PTPRM: variants seen among roughly 807,000 people sequenced by gnomAD.
PTPRM encodes the protein receptor-type tyrosine-protein phosphatase mu.
PTPRM carries 47 observed loss-of-function variants against 186.7 expected under a neutral mutation model. The ratio of observed to expected loss-of-function variants is 0.25; its 90% CI spans 0.20 to 0.32. The LOEUF (loss-of-function observed/expected upper bound fraction) is 0.32, where lower values mean the gene tolerates loss of function less well. Ranked by LOEUF, PTPRM falls within the 10% of genes least tolerant of loss-of-function variation. The pLI, the probability that PTPRM is intolerant of heterozygous loss-of-function variation, is 1.00. For synonymous variants in PTPRM, 668 were observed against 674.9 expected, an observed-to-expected ratio of 0.99 and a Z score of 0.16; for missense variants, 1,494 against 1,865.0, an observed-to-expected ratio of 0.80 and a Z score of 3.66.
intron 14 of PTPRM, among the ~76,000 whole-genome samples, chr18:8,224,225 T>G (rs1206044077): frequency 6.9e-6 from 1 of 144,512 alleles, no homozygotes; most frequent in Non-Finnish European, 1.5e-5. Flanking sequence ...CATTTGCTTC[T>G]AAGAATCATG....
chr18:8,240,657 GAAAGAAAGAA>G (rs2094415766), intron 14 of PTPRM, among the ~76,000 whole-genome samples: 5 of 27,816 alleles, frequency 1.8e-4, no homozygotes, highest in African/African-American at 7.8e-4. Flanking sequence ...GAGAGAGAAA[GAAAGAAAGAA>G]AGAAAGAAAG....
At chr18:7,942,130 A>G (rs894488140) in intron 5 of PTPRM, among the ~76,000 whole-genome samples, 1 of 152,056 alleles carries the variant, frequency 6.6e-6, no homozygotes. Flanking sequence ...TCTAAATACA[A>G]AAATTAGCTG....
At chr18:8,233,573 A>G (rs2094312237) in intron 14 of PTPRM, among the ~76,000 whole-genome samples, 1 of 152,146 alleles carries the variant, frequency 6.6e-6, no homozygotes, top group African/African-American at 2.4e-5. Context: ...ATTACCAGGT[A>G]TGTCTTTTAC....
chr18:7,934,919 C>A (rs561538082), intron 5 of PTPRM, among the ~76,000 whole-genome samples: 2 of 152,232 alleles, frequency 1.3e-5, no homozygotes, highest in Admixed American at 6.5e-5. Context: ...TAGCATTGAT[C>A]AGAATGTACA....
intron 23 of PTPRM, among the ~76,000 whole-genome samples, chr18:8,352,652 G>GTTTTTTTTTTTTTTTTTTTTT (rs142090056): frequency 1.2e-4 from 12 of 102,222 alleles, no homozygotes; most frequent in Non-Finnish European, 2.2e-4. Flanking sequence ...TTTTTGGTTT[G>GTTTTTTTTTTTTTTTTTTTTT]GTTTTTTTTG....
intron 2 of PTPRM, among the ~76,000 whole-genome samples, chr18:7,880,410 C>A (rs1185437446): frequency 6.6e-6 from 1 of 152,110 alleles, no homozygotes; most frequent in African/African-American, 2.4e-5. Context: ...AGAGACAGGG[C>A]AAACGGAAAG....
intron 2 of PTPRM, among the ~76,000 whole-genome samples, chr18:7,866,152 T>C (rs1401278255): frequency 6.6e-6 from 1 of 151,800 alleles, no homozygotes; most frequent in East Asian, 1.9e-4. Flanking sequence ...GATTCATTGA[T>C]TTTTTTGAAG....
At chr18:8,322,837 A>G (rs1418074796) in intron 22 of PTPRM, among the ~76,000 whole-genome samples, 9 of 152,080 alleles carry the variant, frequency 5.9e-5, no homozygotes, top group African/African-American at 1.9e-4. Context: ...GGTTTTGTTT[A>G]GAGACATGAT....
At chr18:7,747,328 G>C (rs965158501) in intron 1 of PTPRM, among the ~76,000 whole-genome samples, 13 of 152,208 alleles carry the variant, frequency 8.5e-5, no homozygotes, top group Middle Eastern at 3.2e-3. Flanking sequence ...CTGGAACAGA[G>C]AGATGAAGAG....
chr18:7,974,910 C>G (rs1221347306), intron 7 of PTPRM, among the ~76,000 whole-genome samples: 5 of 152,204 alleles, frequency 3.3e-5, no homozygotes, highest in Non-Finnish European at 7.3e-5. Flanking sequence ...ATATCAGAAT[C>G]ACCTGGAGGA....
At chr18:7,826,300 A>G (rs1370332061) in intron 2 of PTPRM, among the ~76,000 whole-genome samples, 1 of 152,232 alleles carries the variant, frequency 6.6e-6, no homozygotes, top group African/African-American at 2.4e-5. Context: ...AGCTACATTC[A>G]CAAAATGGTA....
At chr18:7,974,429 C>T (rs549410927) in intron 7 of PTPRM, among the ~76,000 whole-genome samples, 1 of 152,138 alleles carries the variant, frequency 6.6e-6, no homozygotes, top group Non-Finnish European at 1.5e-5. Flanking sequence ...AGAAGAGGTT[C>T]TGAAAGTCAA....
chr18:8,132,684 A>G (rs1303957867), intron 13 of PTPRM, among the ~76,000 whole-genome samples: 1 of 152,170 alleles, frequency 6.6e-6, no homozygotes, highest in African/African-American at 2.4e-5. Flanking sequence ...CATTGCAAGT[A>G]TTGAGTTTAT....
At chr18:7,955,016 C>T (rs917545810) in intron 6 of PTPRM, 105 bp from the exon 7 acceptor site, 2 of 1,200,968 alleles carry the variant, frequency 1.7e-6, no homozygotes, top group South Asian at 2.0e-5. Flanking sequence ...TCAATTTATT[C>T]CTGAAATTTT....
chr18:8,296,364 C>T lies in PTPRM; in HGVS notation c.2755-4C>T, dbSNP rs1381180871. 1.3e-6 allele frequency: 2 copies of T among 1,591,386 alleles called. No homozygotes were observed. Among genetic ancestry groups the T allele is most frequent in the South Asian group, 2.2e-5 (2 of 90,536 alleles). ...TGTAATTCTCAGTCTCACTTTCCTT[C>T]TAGAGCTTCTTTGAAGGGCAGTCTG... On this transcript the variant is annotated splice_polypyrimidine_tract_variant and splice_region_variant and intron_variant, in intron 19 of 32. Transcript: ENST00000580170.
Position 8,364,481 on chromosome 18 carries a change from A to G in PTPRM, c.3055-6409A>G, listed in dbSNP as rs114452227. ...AGGATATTTAAATGAGTAATATTTTATTCCTGTGAGACCTCTAAACCAAAA... is the reference window on the plus strand; with the variant it reads ...AGGATATTTAAATGAGTAATATTTTGTTCCTGTGAGACCTCTAAACCAAAA... On this transcript the variant is annotated intron_variant, in intron 23 of 32. Coordinates refer to ENST00000580170, the MANE Select transcript of PTPRM (RefSeq NM_001105244.2). Among the ~76,000 whole-genome samples, 652 of 152,332 alleles carry G rather than the reference A, an allele frequency of 4.3e-3. 5 individuals carry two copies. Among genetic ancestry groups the G allele is most frequent in the African/African-American group, 0.015 (608 of 41,582 alleles).
intron 1 of PTPRM, among the ~76,000 whole-genome samples, chr18:7,699,805 A>T (rs551745554): frequency 6.6e-6 from 1 of 151,240 alleles, no homozygotes; most frequent in South Asian, 2.1e-4. Flanking sequence ...TCACCAATAT[A>T]CTCTGTGATT....
intron 19 of PTPRM, among the ~76,000 whole-genome samples, chr18:8,285,513 T>A (rs2094946616): frequency 6.6e-6 from 1 of 152,216 alleles, no homozygotes; most frequent in Non-Finnish European, 1.5e-5. Flanking sequence ...GGCTTTCCCG[T>A]TAGTTGTCGT....
At position 7,567,616 on chromosome 18, in the gene PTPRM, G is replaced by A; in HGVS notation, c.-203G>A. On this transcript the variant is annotated 5_prime_UTR_variant, in exon 1 of 33. Coordinates refer to ENST00000580170, the MANE Select transcript of PTPRM (RefSeq NM_001105244.2). The surrounding 1 kb of genome is among the most constrained non-coding windows in gnomAD (Gnocchi z 4.3). Reference sequence around the variant, plus strand: ...GCCGAGTGGGGCCAGGGACAGGGGAGGAGGACCCAGGACCCTGTGCCCGCG... The same window carrying A: ...GCCGAGTGGGGCCAGGGACAGGGGAAGAGGACCCAGGACCCTGTGCCCGCG... The A allele has an allele frequency of 2.2e-6, 1 of 451,888 alleles. No homozygotes were observed. The highest frequency in any genetic ancestry group is 3.8e-6 in the Non-Finnish European group (1 of 260,066). The allele number at this position is 451,888 out of a possible 1,614,324, so 28.0% of individuals were successfully genotyped here.
Sources: allele counts gnomAD v4.1 joint callset (sites outside exome capture counted in the v4.1 genomes callset), GRCh38; gene constraint gnomAD v4.1.1; non-coding constraint Gnocchi (gnomAD v3.1); transcripts MANE v1.5; gene names NCBI Gene and HGNC (gene_info 2026-07-23, HGNC 2026-07-21).